CFAP47: variants seen among roughly 807,000 people sequenced by gnomAD.
The protein encoded by CFAP47 is cilia- and flagella-associated protein 47.
Under a neutral mutation model 148.1 loss-of-function variants are expected in CFAP47, and 29 were observed. The observed-to-expected ratio is 0.20, with a 90% CI of 0.15 to 0.27. CFAP47 has a LOEUF of 0.27. Among genes scored for constraint, CFAP47 ranks in the 10% least tolerant of loss-of-function variants. The pLI is 1.00. For synonymous variants in CFAP47, 664 were observed against 577.3 expected (o/e 1.15, Z -2.15); for missense variants, 1,872 against 1,697.5 (o/e 1.10, Z -1.81).
At chrX:36,120,901 T>G (rs978843307) in intron 33 of CFAP47, among the ~76,000 whole-genome samples, 2 of 111,352 alleles carry the variant, frequency 1.8e-5, no homozygotes, top group African/African-American at 6.5e-5. Context: ...GCAGATGAAG[T>G]CTGATGTTTC....
chrX:36,164,171 A>G (rs1022223898), intron 39 of CFAP47, among the ~76,000 whole-genome samples: 2 of 111,566 alleles, frequency 1.8e-5, no homozygotes, highest in African/African-American at 6.5e-5. Flanking sequence ...AAAGTGTTCT[A>G]TAGGTACCTC....
At chrX:35,984,427 T>A (rs962623992) in intron 15 of CFAP47, among the ~76,000 whole-genome samples, 2 of 111,426 alleles carry the variant, frequency 1.8e-5, no homozygotes, top group African/African-American at 3.3e-5. Context: ...GTTTATATTT[T>A]GTATGGTTTT....
chrX:36,365,053 G>A (rs965361835), intron 61 of CFAP47, among the ~76,000 whole-genome samples: 19 of 106,154 alleles, frequency 1.8e-4, no homozygotes, highest in Non-Finnish European at 3.1e-4. Flanking sequence ...GAAAACAGTG[G>A]CTCTAAATTG....
chrX:36,219,139 T>C (rs1443303723), intron 45 of CFAP47, among the ~76,000 whole-genome samples: 2 of 111,880 alleles, frequency 1.8e-5, no homozygotes, highest in African/African-American at 6.5e-5. Flanking sequence ...TCTCTACAGA[T>C]ACAAAATTAC....
chrX:36,267,294 C>A (rs191090367), intron 49 of CFAP47, among the ~76,000 whole-genome samples: 578 of 110,887 alleles, frequency 5.2e-3, no homozygotes, highest in African/African-American at 0.018. Context: ...CCCTCTCTAT[C>A]CTAGCTTATT....
chrX:36,156,357 A>G (rs1474790165), intron 37 of CFAP47, among the ~76,000 whole-genome samples: 9 of 111,457 alleles, frequency 8.1e-5, no homozygotes, highest in Non-Finnish European at 1.7e-4. Context: ...ATTCTCAGAC[A>G]TATTACTTAT....
chrX:36,098,370 G>T (rs931700676), intron 30 of CFAP47, among the ~76,000 whole-genome samples: 5 of 111,484 alleles, frequency 4.5e-5, no homozygotes, highest in Non-Finnish European at 9.4e-5. Context: ...TTGGAAATAT[G>T]TATCTGTATT....
At chrX:36,036,509 A>G (rs1425182370) in intron 24 of CFAP47, among the ~76,000 whole-genome samples, 1 of 111,746 alleles carries the variant, frequency 8.9e-6, no homozygotes, top group African/African-American at 3.3e-5. Context: ...CAATAAACAT[A>G]GGAGTGCAGA....
chrX:36,050,917 A>C (rs1393145990), intron 26 of CFAP47, among the ~76,000 whole-genome samples: 2 of 112,492 alleles, frequency 1.8e-5, no homozygotes, highest in African/African-American at 6.5e-5. Flanking sequence ...AAAAGGGGTC[A>C]AGGTATAGCT....
chrX:36,265,120 C>T (rs1430994953), intron 49 of CFAP47, among the ~76,000 whole-genome samples: 2 of 110,183 alleles, frequency 1.8e-5, no homozygotes, highest in African/African-American at 3.3e-5. Flanking sequence ...TCATTTTTCA[C>T]CTCCTTGGTA....
At chrX:35,998,944 A>G (rs1936880886) in intron 19 of CFAP47, among the ~76,000 whole-genome samples, 1 of 92,457 alleles carries the variant, frequency 1.1e-5, no homozygotes, top group South Asian at 4.6e-4. Flanking sequence ...TATTTTATCA[A>G]TATTCCCTTA....
At chrX:36,064,579 A>G (rs1377537351) in intron 26 of CFAP47, among the ~76,000 whole-genome samples, 1 of 111,698 alleles carries the variant, frequency 9.0e-6, no homozygotes, top group Admixed American at 9.6e-5. Flanking sequence ...ACATTTTTTT[A>G]CTTTCATCCT....
At chrX:36,065,474 T>A (rs185733702) in intron 26 of CFAP47, among the ~76,000 whole-genome samples, 169 bp from the exon 27 acceptor site, 91 of 111,945 alleles carry the variant, frequency 8.1e-4, no homozygotes, top group African/African-American at 2.8e-3. Context: ...GAAGTAAAAA[T>A]TTTAAAAATC....
At chrX:36,155,045 G>A (rs972202644) in intron 37 of CFAP47, among the ~76,000 whole-genome samples, 1 of 110,922 alleles carries the variant, frequency 9.0e-6, no homozygotes, top group African/African-American at 3.3e-5. Flanking sequence ...CCAGGTGCTT[G>A]CAGATTCAGT....
At chrX:36,278,736 A>G (rs1941045776) in intron 49 of CFAP47, among the ~76,000 whole-genome samples, 1 of 112,522 alleles carries the variant, frequency 8.9e-6, no homozygotes, top group Non-Finnish European at 1.9e-5. Flanking sequence ...CAGACCCCAA[A>G]TGTATAATTT....
chrX:36,316,476 C>T (rs1298661422), intron 56 of CFAP47, among the ~76,000 whole-genome samples: 6 of 112,037 alleles, frequency 5.4e-5, no homozygotes, highest in African/African-American at 1.9e-4. Flanking sequence ...TTTTAAGAAT[C>T]AGCTGTTAGT....
At chrX:36,119,179 C>T (rs759114661) in intron 33 of CFAP47, among the ~76,000 whole-genome samples, 6 of 111,942 alleles carry the variant, frequency 5.4e-5, no homozygotes, top group African/African-American at 1.9e-4. Flanking sequence ...TTCAGTTATT[C>T]CCCATTTGGT....
At chrX:36,054,492 T>C (rs1241881739) in intron 26 of CFAP47, among the ~76,000 whole-genome samples, 2 of 112,107 alleles carry the variant, frequency 1.8e-5, no homozygotes, top group Non-Finnish European at 1.9e-5. Context: ...AACTTTATTA[T>C]ATCAATTCTT....
intron 25 of CFAP47, 36 bp downstream of exon 25, chrX:36,039,215 A>G (rs1432712723): frequency 1.2e-5 from 9 of 758,608 alleles, no homozygotes; most frequent in Middle Eastern, 3.4e-4. Flanking sequence ...CATTTTCTTT[A>G]TGTGCTTTTT....
Sources: gnomAD v4.1 joint callset for allele counts (sites outside exome capture counted in the v4.1 genomes callset) on GRCh38, gnomAD v4.1.1 for gene constraint, MANE v1.5 for transcripts, NCBI Gene and HGNC (gene_info 2026-07-23, HGNC 2026-07-21) for gene names.